Variants in TMEM44 observed in about 807,000 individuals in gnomAD.
The protein encoded by TMEM44 is transmembrane protein 44.
A neutral mutation model predicts 47.8 loss-of-function variants in TMEM44; 43 were observed. The observed-to-expected ratio is 0.90, with a 90% CI of 0.70 to 1.16. The LOEUF is 1.16. Ranked by LOEUF, TMEM44 falls within the 50% of genes most tolerant of loss-of-function variation. The pLI, the probability that TMEM44 is intolerant of heterozygous loss-of-function variation, is 0.00. For missense variants in TMEM44, 568 were observed against 555.2 expected (o/e 1.02, Z -0.23); for synonymous variants, 277 against 238.8 (o/e 1.16, Z -1.48).
At chr3:194,599,678 G>A (rs568973418) in intron 9 of TMEM44, among the ~76,000 whole-genome samples, 29 of 150,456 alleles carry the variant, frequency 1.9e-4, no homozygotes, top group Non-Finnish European at 3.7e-4. Context: ...TCCGCCTCCC[G>A]GGTTCAAGTG....
chr3:194,597,608 C>T (rs964464654), intron 9 of TMEM44, among the ~76,000 whole-genome samples: 9 of 146,748 alleles, frequency 6.1e-5, no homozygotes, highest in African/African-American at 1.8e-4. Flanking sequence ...TGCCCTGAGC[C>T]GAGATTGCGC....
intron 1 of TMEM44, among the ~76,000 whole-genome samples, chr3:194,630,632 G>C (rs1717701292): frequency 9.2e-6 from 1 of 108,838 alleles, no homozygotes; most frequent in South Asian, 3.8e-4. Context: ...TAGGGCCCCT[G>C]AAATAGTATG....
chr3:194,627,906 G>A (rs1717345621), intron 2 of TMEM44, among the ~76,000 whole-genome samples: 3 of 152,160 alleles, frequency 2.0e-5, no homozygotes, highest in Admixed American at 1.3e-4. Context: ...TTGAACCCAG[G>A]AGACGGAGGC....
At chr3:194,590,512 T>C (rs931266034) in intron 9 of TMEM44, among the ~76,000 whole-genome samples, 1 of 152,240 alleles carries the variant, frequency 6.6e-6, no homozygotes, top group Non-Finnish European at 1.5e-5. Flanking sequence ...CCCCTCAGCC[T>C]ACGTGACCCA....
At position 194,632,920 on chromosome 3, in the gene TMEM44, C is replaced by G. The variant is rs941781403; in HGVS notation, c.137+159G>C. 5.4e-6 allele frequency: 6 copies of G among 1,116,912 alleles called. 1 individual carries two copies. The South Asian group carries it at 6.5e-5, about 12-fold the overall frequency. 69.2% of individuals were successfully genotyped at this position (1,116,912 alleles called of 1,614,324 possible). A position where few individuals can be genotyped will look rare whatever the true frequency, so the allele number is the denominator to read the frequency against. Reference sequence around the variant, plus strand: ...TGTGCGTGGGATCCGGAAAGAAGATCCCACTTCAGTCTACAGAGCAATGTT... The same window carrying G: ...TGTGCGTGGGATCCGGAAAGAAGATGCCACTTCAGTCTACAGAGCAATGTT... On this transcript the variant is annotated intron_variant, in intron 1 of 9. Coordinates refer to ENST00000347147, the MANE Select transcript of TMEM44 (RefSeq NM_001011655.3).
chr3:194,619,479 C>T (rs958192072), intron 5 of TMEM44, among the ~76,000 whole-genome samples: 3 of 152,192 alleles, frequency 2.0e-5, no homozygotes, highest in Non-Finnish European at 2.9e-5. Context: ...GGACAGGCCT[C>T]GGATGGTCTC....
At position 194,611,820 on chromosome 3, in the gene TMEM44, G is replaced by A. The variant is rs1201472797; in HGVS notation, c.913-800C>T. On this transcript the variant is annotated intron_variant, in intron 7 of 9. Transcript: ENST00000347147. The surrounding 1 kb of genome is among the most constrained non-coding windows in gnomAD (Gnocchi z 4.2). ...GCCGATCACCTGAGGTTAGGAGTGC[G>A]AGACCAGCCTGGTCAACATAGTGAA... is the stretch of plus-strand genomic sequence containing the variant. Among the ~76,000 whole-genome samples the A allele has an allele frequency of 3.9e-5, 6 of 151,998 alleles. No individual in the cohort carries two copies. The highest frequency in any genetic ancestry group is 1.4e-4 in the African/African-American group (6 of 41,386).
At chr3:194,618,508 C>T (rs1034360553) in intron 5 of TMEM44, among the ~76,000 whole-genome samples, 53 of 147,294 alleles carry the variant, frequency 3.6e-4, no homozygotes, top group African/African-American at 1.3e-3. Context: ...CATATATATA[C>T]AAATTATATT....
At chr3:194,606,967 A>G in intron 8 of TMEM44, among the ~76,000 whole-genome samples, 1 of 150,518 alleles carries the variant, frequency 6.6e-6, no homozygotes, top group Non-Finnish European at 1.5e-5. Context: ...AAAAAAAGGA[A>G]AGAATAAAAG....
chr3:194,632,324 C>T (rs1476259777), intron 1 of TMEM44, among the ~76,000 whole-genome samples: 1 of 152,218 alleles, frequency 6.6e-6, no homozygotes, highest in East Asian at 1.9e-4. Flanking sequence ...TGAGTGCCTA[C>T]AGGGAGACAG....
chr3:194,630,508 C>A, intron 1 of TMEM44, among the ~76,000 whole-genome samples: 1 of 23,672 alleles, frequency 4.2e-5, no homozygotes, highest in African/African-American at 2.8e-4. Flanking sequence ...GCTGTCGTAC[C>A]TGCCTCCAGA....
rs1036954172 is a variant in TMEM44, at chr3:194,611,993, G to A, written c.913-973C>T. On this transcript the variant is annotated intron_variant, in intron 7 of 9. Transcript: ENST00000347147. The surrounding 1 kb of genome is among the most constrained non-coding windows in gnomAD (Gnocchi z 4.2). ...GCTGAGATCGTGCCACTGCAATCCA[G>A]CCTGGACAACAGTGAGACTCCGTCT... 7.9e-5 allele frequency among the ~76,000 whole-genome samples: 12 copies of A among 151,906 alleles called. No individual in the cohort carries two copies. Among genetic ancestry groups the A allele is most frequent in the African/African-American group, 2.9e-4 (12 of 41,364 alleles).
chr3:194,619,294 G>A (rs1384004169), intron 5 of TMEM44, among the ~76,000 whole-genome samples: 1 of 152,248 alleles, frequency 6.6e-6, no homozygotes, highest in Non-Finnish European at 1.5e-5. Flanking sequence ...TATCTGCAGT[G>A]CCAGACAAAC....
At position 194,628,477 on chromosome 3, in the gene TMEM44, C is replaced by G. The variant is rs759703363; in HGVS notation, c.170G>C (p.Arg57Thr). Reference protein sequence around the residue: ...LLYLRCAQKPRQDQSALCAAC... With the variant: ...LLYLRCAQKPTQDQSALCAAC... ...AGCACACAGTGCCGACTGGTCCTGTCTGGGTTTCTGTGCACATCTCAGATA... is the reference window on the plus strand; with the variant it reads ...AGCACACAGTGCCGACTGGTCCTGTGTGGGTTTCTGTGCACATCTCAGATA... Residue 57 changes from arginine (R) to threonine (T), a missense_variant, in exon 2 of 10, where the codon AGA (arginine) becomes ACA (threonine). Transcript: ENST00000347147. The G allele has an allele frequency of 6.2e-7, 1 of 1,613,684 alleles. No individual in the cohort carries two copies. The highest frequency in any genetic ancestry group is 1.1e-5 in the South Asian group (1 of 90,954).
rs1351099486 is a variant in TMEM44, at chr3:194,623,776, G to A, written c.359-81C>T. On this transcript the variant is annotated intron_variant, in intron 3 of 9. Coordinates refer to ENST00000347147, the MANE Select transcript of TMEM44 (RefSeq NM_001011655.3). ...AGATAGCTGCGTGGGAAGAACTGGT[G>A]TCAGCTCCCCACATGATGCTGAAGC... 5 of 1,567,906 alleles carry A rather than the reference G, an allele frequency of 3.2e-6. No homozygotes were observed. In the African/African-American group the frequency reaches 5.4e-5, roughly 17 times the overall value.
At chr3:194,630,076 A>G (rs1370165100) in intron 1 of TMEM44, among the ~76,000 whole-genome samples, 994 of 95,610 alleles carry the variant, frequency 0.01, no homozygotes, top group African/African-American at 0.047. Context: ...ACGCTGTCGT[A>G]CCTGCCTCCC....
At chr3:194,606,963 A>AAAAAAAAAT (rs71179377) in intron 8 of TMEM44, among the ~76,000 whole-genome samples, 1 of 149,552 alleles carries the variant, frequency 6.7e-6, no homozygotes, top group Admixed American at 6.7e-5. Context: ...AAAAAAAAAA[A>AAAAAAAAAT]GGAAAGAATA....
At chr3:194,627,738 G>A (rs1717329053) in intron 2 of TMEM44, among the ~76,000 whole-genome samples, 1 of 152,202 alleles carries the variant, frequency 6.6e-6, no homozygotes, top group South Asian at 2.1e-4. Context: ...AGCACATTGG[G>A]AGGCTGAGGC....
intron 5 of TMEM44, 41 bp from the exon 6 acceptor site, chr3:194,617,310 G>A: frequency 6.8e-7 from 1 of 1,480,308 alleles, no homozygotes; most frequent in East Asian, 2.5e-5. Context: ...AGAAGCAGCA[G>A]ATCACAAGAC....
Sources: allele counts gnomAD v4.1 joint callset (sites outside exome capture counted in the v4.1 genomes callset), GRCh38; gene constraint gnomAD v4.1.1; non-coding constraint Gnocchi (gnomAD v3.1); transcripts MANE v1.5; gene names NCBI Gene and HGNC (gene_info 2026-07-23, HGNC 2026-07-21).